Variants in TENM1 observed in about 807,000 individuals in gnomAD.
TENM1 encodes teneurin transmembrane protein 1, also known as teneurin-1.
Under a neutral mutation model 174.8 loss-of-function variants are expected in TENM1, and 35 were observed. That is an observed-to-expected ratio of 0.20 (90% CI 0.15 to 0.27). The LOEUF (loss-of-function observed/expected upper bound fraction) is 0.27. TENM1 is among the 10% of genes least tolerant of loss of function. The pLI, the probability that TENM1 is intolerant of heterozygous loss-of-function variation, is 1.00. For missense variants in TENM1, 1,633 were observed against 2,130.1 expected (o/e 0.77, Z 4.59); for synonymous variants, 781 against 798.7 (o/e 0.98, Z 0.37).
chrX:124,553,851 T>A (rs1360523684), intron 14 of TENM1, among the ~76,000 whole-genome samples: 1 of 111,767 alleles, frequency 8.9e-6, no homozygotes, highest in Non-Finnish European at 1.9e-5. Flanking sequence ...ACGCCTGTAA[T>A]CCCAGCACTT....
chrX:125,043,396 A>G, the TENM1 span, among the ~76,000 whole-genome samples: 1 of 81,335 alleles, frequency 1.2e-5, no homozygotes, highest in Non-Finnish European at 2.3e-5. Context: ...TTATGCAGCC[A>G]AAAAACACAT....
the TENM1 span, among the ~76,000 whole-genome samples, chrX:125,162,786 A>G: frequency 8.9e-6 from 1 of 111,737 alleles, no homozygotes; most frequent in Admixed American, 9.6e-5. Flanking sequence ...CTACATCTGC[A>G]GCTTGAATCT....
chrX:124,990,936 T>C, the TENM1 span, among the ~76,000 whole-genome samples: 2 of 111,261 alleles, frequency 1.8e-5, no homozygotes, highest in Admixed American at 1.9e-4. Context: ...CAAACTCCCT[T>C]GAGTGCCTAT....
the TENM1 span, among the ~76,000 whole-genome samples, chrX:125,142,604 C>T: frequency 9.0e-6 from 1 of 111,006 alleles, no homozygotes; most frequent in East Asian, 2.8e-4. Flanking sequence ...AAAAACCCCA[C>T]TGCTATACAA....
chrX:124,497,229 A>G (rs2047222986), exon 20 of TENM1: 1 of 1,208,995 alleles, frequency 8.3e-7, no homozygotes, highest in Non-Finnish European at 1.1e-6. Flanking sequence ...CTGCTGGGAA[A>G]TGAACATATT....
At chrX:124,483,049 G>A (rs1361495677) in intron 21 of TENM1, among the ~76,000 whole-genome samples, 1 of 112,169 alleles carries the variant, frequency 8.9e-6, no homozygotes, top group Non-Finnish European at 1.9e-5. Flanking sequence ...AGATCGATAT[G>A]TAGGATGTGT....
intron 3 of TENM1, among the ~76,000 whole-genome samples, chrX:124,819,655 AC>A (rs1040362050): frequency 9.0e-6 from 1 of 111,193 alleles, no homozygotes; most frequent in African/African-American, 3.3e-5. Flanking sequence ...ATTGTAGGAA[AC>A]TTCCCTTCTT....
At chrX:124,687,821 T>C (rs968635106) in intron 5 of TENM1, among the ~76,000 whole-genome samples, 3 of 112,235 alleles carry the variant, frequency 2.7e-5, no homozygotes, top group Non-Finnish European at 3.8e-5. Context: ...AGACAAATAC[T>C]ACATGATCTA....
the TENM1 span, among the ~76,000 whole-genome samples, chrX:125,011,697 G>A: frequency 1.8e-5 from 2 of 111,706 alleles, no homozygotes; most frequent in Admixed American, 9.5e-5. Context: ...ACAGATGCTC[G>A]TGAGGCTGTG....
exon 12 of TENM1, chrX:124,565,471 C>T (rs901540864): frequency 1.7e-6 from 2 of 1,209,696 alleles, no homozygotes; most frequent in Non-Finnish European, 2.2e-6. Flanking sequence ...CAGGAGCGTT[C>T]CTCACATGTT....
rs186340688 is a variant in TENM1 at position 124,410,418 on chromosome X, C to T, written c.4983-3929G>A. Reference sequence around the variant, plus strand: ...GTTAGACCTAAAACCATAAAAAACCCTAGAAGAAAACCTAGGCATTACCAT... The same window carrying T: ...GTTAGACCTAAAACCATAAAAAACCTTAGAAGAAAACCTAGGCATTACCAT... On this transcript the variant is annotated intron_variant, in intron 25 of 31. Transcript: ENST00000422452. Among the ~76,000 whole-genome samples the T allele has an allele frequency of 5.0e-3, 559 of 111,955 alleles. 4 individuals carry two copies. Among genetic ancestry groups the T allele is most frequent in the African/African-American group, 0.017 (517 of 30,772 alleles).
chrX:124,950,364 A>G (rs1208096070), intron 1 of TENM1, among the ~76,000 whole-genome samples: 1 of 111,852 alleles, frequency 8.9e-6, no homozygotes, highest in Non-Finnish European at 1.9e-5. Flanking sequence ...GCACTGTATC[A>G]AAGTATCTAC....
At chrX:125,103,062 A>G in the TENM1 span, among the ~76,000 whole-genome samples, 2 of 112,459 alleles carry the variant, frequency 1.8e-5, no homozygotes, top group Non-Finnish European at 3.8e-5. Flanking sequence ...TTGAATCTCA[A>G]TAAGTTATTC....
chrX:124,404,621 G>C (rs938632728), intron 27 of TENM1, among the ~76,000 whole-genome samples: 4 of 110,610 alleles, frequency 3.6e-5, no homozygotes, highest in Non-Finnish European at 7.5e-5. Flanking sequence ...GTGTACCTGC[G>C]AGGTCTTTCC....
chrX:125,102,124 T>G, the TENM1 span, among the ~76,000 whole-genome samples: 2 of 111,055 alleles, frequency 1.8e-5, no homozygotes, highest in South Asian at 7.6e-4. Flanking sequence ...GCTCTTGAGG[T>G]GAACCTTGAA....
At chrX:125,136,134 T>A in the TENM1 span, among the ~76,000 whole-genome samples, 1 of 111,645 alleles carries the variant, frequency 9.0e-6, no homozygotes, top group Admixed American at 9.5e-5. Context: ...GAAGACAGGC[T>A]GCTAAAAATT....
chrX:125,056,455 G>T, the TENM1 span, among the ~76,000 whole-genome samples: 1 of 111,340 alleles, frequency 9.0e-6, no homozygotes, highest in East Asian at 2.9e-4. Flanking sequence ...TTAAATAATA[G>T]ATTTTTTAAT....
chrX:124,999,019 G>A, the TENM1 span, among the ~76,000 whole-genome samples: 4 of 111,110 alleles, frequency 3.6e-5, no homozygotes, highest in African/African-American at 6.5e-5. Context: ...AATGAAGTGC[G>A]ATATCAATCC....
chrX:124,741,508 C>T (rs1303628550), intron 3 of TENM1, among the ~76,000 whole-genome samples: 1 of 111,291 alleles, frequency 9.0e-6, no homozygotes, highest in Non-Finnish European at 1.9e-5. Flanking sequence ...AGGGATGCAA[C>T]ATTCAGAAAC....
Sources: allele counts gnomAD v4.1 joint callset (sites outside exome capture counted in the v4.1 genomes callset), GRCh38; gene constraint gnomAD v4.1.1; transcripts MANE v1.5; gene names NCBI Gene and HGNC (gene_info 2026-07-23, HGNC 2026-07-21).